Variants in BAHCC1 observed in about 807,000 individuals in gnomAD.
BAHCC1 encodes BAH and coiled-coil domain-containing protein 1.
BAHCC1 carries 43 observed loss-of-function variants against 88.2 expected under a neutral mutation model. That is an observed-to-expected ratio of 0.49 (90% CI 0.38 to 0.63). The LOEUF (loss-of-function observed/expected upper bound fraction) is 0.63. Among genes scored for constraint, BAHCC1 ranks in the 20% least tolerant of loss-of-function variants. The pLI, the probability that BAHCC1 is intolerant of heterozygous loss-of-function variation, is 0.00. For synonymous variants in BAHCC1, 1,510 were observed against 745.5 expected, an observed-to-expected ratio of 2.03 and a Z score of -16.71; for missense variants, 3,023 against 1,654.8, an observed-to-expected ratio of 1.83 and a Z score of -14.34.
rs1456511499 is a variant in BAHCC1, at chr17:81,411,506, GCCTGCCTGCCTT to G, written c.178+11593_178+11604del. 303 of 327,770 alleles carry G rather than the reference GCCTGCCTGCCTT, an allele frequency of 9.2e-4. No homozygotes were observed. The highest frequency in any genetic ancestry group is 2.4e-3 in the African/African-American group (81 of 33,490). 20.3% of individuals were successfully genotyped at this position (327,770 alleles called of 1,614,324 possible). On this transcript the variant is annotated intron_variant, in intron 2 of 27. Coordinates refer to ENST00000675386, the MANE Select transcript of BAHCC1 (RefSeq NM_001377448.1). This position sits in a 1 kb window ranked among gnomAD's most constrained non-coding sequence, Gnocchi z 6.2. ...TGCCTGCCTGCCTGCCTGCCTGCCT[GCCTGCCTGCCTT>G]CCTTCCTTCCTTCCTTCCTTCCTTC... is the stretch of plus-strand genomic sequence containing the variant.
intron 2 of BAHCC1, among the ~76,000 whole-genome samples, chr17:81,420,724 G>C (rs1555649492): frequency 6.6e-6 from 1 of 152,278 alleles, no homozygotes; most frequent in Non-Finnish European, 1.5e-5. Context: ...CGGCTGGGCA[G>C]TGGGGGCAGC....
At chr17:81,462,434 G>T (rs76743056) in intron 26 of BAHCC1, 67 of 502,026 alleles carry the variant, frequency 1.3e-4, no homozygotes, top group Non-Finnish European at 2.0e-4. Context: ...GGGGCCACTC[G>T]TGGGTCTTTT....
At chr17:81,438,712 C>T (rs2064371961) in intron 4 of BAHCC1, among the ~76,000 whole-genome samples, 1 of 152,162 alleles carries the variant, frequency 6.6e-6, no homozygotes, top group African/African-American at 2.4e-5. Flanking sequence ...GTTCCCAGGT[C>T]ACGCTGTCTC....
chr17:81,422,736 A>G (rs545470324), intron 2 of BAHCC1: 4 of 432,916 alleles, frequency 9.2e-6, no homozygotes, highest in South Asian at 4.9e-5. Context: ...TTCTCAGGCC[A>G]GGATCCTGGA....
intron 2 of BAHCC1, among the ~76,000 whole-genome samples, chr17:81,414,923 G>A (rs1598460503): frequency 6.6e-6 from 1 of 152,142 alleles, no homozygotes; most frequent in East Asian, 1.9e-4. Context: ...CCGGCCTGTC[G>A]CATCCCCACC....
rs1237205600 is a variant in BAHCC1 at position 81,461,617 on chromosome 17, TTCC to T, written c.6960_6962del (p.Ser2321del). 7 of 739,384 alleles carry T rather than the reference TTCC, an allele frequency of 9.5e-6. No individual in the cohort carries two copies. Among genetic ancestry groups the T allele is most frequent in the Non-Finnish European group, 1.5e-5 (6 of 397,618 alleles). The allele number at this position is 739,384 out of a possible 1,614,324, so 45.8% of individuals were successfully genotyped here. ...TCCTCGCCCGCCTGTCCGTGTCCTC[TTCC>T]TCCTCTGGCTCGTCCACCTCCTCCT... On this transcript the variant is annotated inframe_deletion, in exon 26 of 28. Coordinates refer to ENST00000675386, the MANE Select transcript of BAHCC1 (RefSeq NM_001377448.1).
intron 3 of BAHCC1, among the ~76,000 whole-genome samples, chr17:81,428,743 C>G (rs1437277132): frequency 6.6e-6 from 1 of 152,214 alleles, no homozygotes; most frequent in Non-Finnish European, 1.5e-5. Flanking sequence ...TAGACACTCA[C>G]TTCCCCTTGT....
chr17:81,439,665 C>G lies in BAHCC1; in HGVS notation c.481+1173C>G, dbSNP rs201461487. On this transcript the variant is annotated intron_variant, in intron 4 of 27. Coordinates refer to ENST00000675386, the MANE Select transcript of BAHCC1 (RefSeq NM_001377448.1). ...ATGGTTTCCGCACAGCTCCTGGGAG[C>G]CCGGGAGCCCAGGAGCCCTGGCGTT... Among the ~76,000 whole-genome samples the G allele has an allele frequency of 4.3e-4, 65 of 151,816 alleles. 1 individual carries two copies. The East Asian group carries it at 6.5e-3, about 15-fold the overall frequency.
Position 81,435,257 on chromosome 17 carries a change from C to T in BAHCC1, c.359-3113C>T, listed in dbSNP as rs782086068. 6.6e-6 allele frequency among the ~76,000 whole-genome samples: 1 copy of T among 152,244 alleles called. No homozygotes were observed. Among genetic ancestry groups the T allele is most frequent in the South Asian group, 2.1e-4 (1 of 4,828 alleles). Reference sequence around the variant, plus strand: ...GCCATTGTGTCCCCCGCCCAGCCCACGCGTGGCCCCCTGGCTTTACTAACC... The same window carrying T: ...GCCATTGTGTCCCCCGCCCAGCCCATGCGTGGCCCCCTGGCTTTACTAACC... On this transcript the variant is annotated intron_variant, in intron 3 of 27. Coordinates refer to ENST00000675386, the MANE Select transcript of BAHCC1 (RefSeq NM_001377448.1). The surrounding 1 kb of genome is among the most constrained non-coding windows in gnomAD (Gnocchi z 4.4).
Position 81,411,417 on chromosome 17 carries a change from T to C in BAHCC1, c.178+11500T>C. The C allele has an allele frequency of 3.1e-6, 1 of 318,090 alleles. No homozygotes were observed. The highest frequency in any genetic ancestry group is 2.2e-5 in the South Asian group (1 of 45,856). 19.7% of individuals were successfully genotyped at this position (318,090 alleles called of 1,614,324 possible). Reference sequence around the variant, plus strand: ...CCATCCTCCACTGCATTCAAATTGATCAGGGAGGGTGGGGTTGGGGGGGAA... The same window carrying C: ...CCATCCTCCACTGCATTCAAATTGACCAGGGAGGGTGGGGTTGGGGGGGAA... On this transcript the variant is annotated intron_variant, in intron 2 of 27. Transcript: ENST00000675386. This position sits in a 1 kb window ranked among gnomAD's most constrained non-coding sequence, Gnocchi z 6.2.
chr17:81,447,395 C>A lies in BAHCC1; in HGVS notation c.3523C>A (p.His1175Asn), dbSNP rs782407718. 4.0e-6 allele frequency: 3 copies of A among 742,652 alleles called. No homozygotes were observed. Among genetic ancestry groups the A allele is most frequent in the Non-Finnish European group, 7.5e-6 (3 of 399,408 alleles). The allele number at this position is 742,652 out of a possible 1,614,324, so 46.0% of individuals were successfully genotyped here. A position where few individuals can be genotyped will look rare whatever the true frequency, so the allele number is the denominator to read the frequency against. ...AGGPEATGQA[H>N]STQGGAREER... ...GGGCCCCGAGGCCACCGGCCAGGCT[C>A]ATTCTACTCAGGGAGGGGCACGAGA... Residue 1175 changes from histidine (H) to asparagine (N), a missense_variant, in exon 11 of 28, where the codon CAT becomes AAT. His to Asn is a moderately conservative substitution (Grantham distance 68). Transcript: ENST00000675386.
intron 26 of BAHCC1, among the ~76,000 whole-genome samples, chr17:81,462,392 T>C (rs2030376700): frequency 6.6e-6 from 1 of 152,186 alleles, no homozygotes; most frequent in Admixed American, 6.5e-5. Context: ...CCTGCGTCTG[T>C]CCTCACCAGG....
At chr17:81,443,981 G>C in intron 6 of BAHCC1, 64 bp downstream of exon 6, 2 of 690,954 alleles carry the variant, frequency 2.9e-6, no homozygotes, top group Non-Finnish European at 5.3e-6. Flanking sequence ...TCCCCACTCA[G>C]AGCCACGTGG....
At chr17:81,423,311 A>T (rs758388574) in intron 2 of BAHCC1, among the ~76,000 whole-genome samples, 13 of 152,192 alleles carry the variant, frequency 8.5e-5, no homozygotes, top group Non-Finnish European at 1.9e-4. Flanking sequence ...CTGGCTCAGC[A>T]CAGCAGGAGC....
Position 81,399,570 on chromosome 17 carries a change from C to A in BAHCC1, c.-170C>A. 2.5e-6 allele frequency: 1 copy of A among 406,554 alleles called. No individual in the cohort carries two copies. The highest frequency in any genetic ancestry group is 4.5e-6 in the Non-Finnish European group (1 of 221,208). 25.2% of individuals were successfully genotyped at this position (406,554 alleles called of 1,614,324 possible). ...GCACAGCGGCCGCTGGCTCGGTGCG[C>A]GGCCGCCCGCCGAGAAGCCCAGTCC... On this transcript the variant is annotated 5_prime_UTR_variant, in exon 2 of 28. Transcript: ENST00000675386. The surrounding 1 kb of genome is among the most constrained non-coding windows in gnomAD (Gnocchi z 4.5).
Position 81,399,880 on chromosome 17 carries a change from G to A in BAHCC1, c.141G>A (p.Lys47=), listed in dbSNP as rs1598444708. The part of the protein sequence containing the change: ...AQPPAHFQPG[K]YFPSPLPMAS... The stretch of plus-strand genomic sequence containing the variant: ...CCCCCGCACACTTCCAGCCGGGAAA[G>A]TACTTCCCGTCGCCGTTGCCCATGG... Residue 47 remains lysine, a synonymous_variant, in exon 2 of 28, where the codon AAG becomes AAA. Coordinates refer to ENST00000675386, the MANE Select transcript of BAHCC1 (RefSeq NM_001377448.1). This position sits in a 1 kb window ranked among gnomAD's most constrained non-coding sequence, Gnocchi z 4.5. 1.4e-6 allele frequency: 2 copies of A among 1,450,854 alleles called. No homozygotes were observed. Among genetic ancestry groups the A allele is most frequent in the South Asian group, 1.3e-5 (1 of 74,406 alleles). 89.9% of individuals were successfully genotyped at this position (1,450,854 alleles called of 1,614,324 possible).
Position 81,447,300 on chromosome 17 carries a change from G to T in BAHCC1, c.3428G>T (p.Gly1143Val). ...TACCCTACCGAGCGGGGACCCCAGG[G>T]GAAGGCAGCGGACCCCAGCCCACTA... ...TPYPTERGPQGKAADPSPLEG... is the reference protein window; with the variant it reads ...TPYPTERGPQVKAADPSPLEG... Residue 1143 changes from glycine to valine, a missense_variant, in exon 11 of 28, where the codon GGG becomes GTG. Gly to Val is a moderately radical substitution (Grantham distance 109). Coordinates refer to ENST00000675386, the MANE Select transcript of BAHCC1 (RefSeq NM_001377448.1). 1 of 737,748 alleles carries T rather than the reference G, an allele frequency of 1.4e-6. No individual in the cohort carries two copies. Among genetic ancestry groups the T allele is most frequent in the Non-Finnish European group, 2.5e-6 (1 of 398,972 alleles). 45.7% of individuals were successfully genotyped at this position (737,748 alleles called of 1,614,324 possible). A position where few individuals can be genotyped will look rare whatever the true frequency, so the allele number is the denominator to read the frequency against.
chr17:81,454,307 G>A (rs1445648592), intron 14 of BAHCC1, among the ~76,000 whole-genome samples: 1 of 152,198 alleles, frequency 6.6e-6, no homozygotes, highest in Non-Finnish European at 1.5e-5. Context: ...CATGTAGGCT[G>A]GAGTTGACTT....
At position 81,458,918 on chromosome 17, in the gene BAHCC1, G is replaced by T. The variant is rs781795396; in HGVS notation, c.5554G>T (p.Glu1852Ter). ...SFSEEEEDEE[E>*]EEEDSGPLSA... ...CTCGGAAGAGGAGGAGGACGAGGAGGAAGAGGAGGAGGACAGCGGCCCTCT... is the reference window on the plus strand; with the variant it reads ...CTCGGAAGAGGAGGAGGACGAGGAGTAAGAGGAGGAGGACAGCGGCCCTCT... Residue 1852 changes from glutamate to a stop codon, truncating the protein, a stop_gained, in exon 20 of 28, where the codon GAA (glutamate) becomes TAA (stop). Coordinates refer to ENST00000675386, the MANE Select transcript of BAHCC1 (RefSeq NM_001377448.1). LOFTEE classifies it high-confidence loss of function. 1 of 770,370 alleles carries T rather than the reference G, an allele frequency of 1.3e-6. No homozygotes were observed. Among genetic ancestry groups the T allele is most frequent in the South Asian group, 1.4e-5 (1 of 73,848 alleles). 47.7% of individuals were successfully genotyped at this position (770,370 alleles called of 1,614,324 possible).
Sources: allele counts gnomAD v4.1 joint callset (sites outside exome capture counted in the v4.1 genomes callset), GRCh38; gene constraint gnomAD v4.1.1; non-coding constraint Gnocchi (gnomAD v3.1); transcripts MANE v1.5; gene names NCBI Gene and HGNC (gene_info 2026-07-23, HGNC 2026-07-21).